Variants in CHD1L observed in about 807,000 individuals in gnomAD.
CHD1L encodes the protein chromodomain helicase DNA binding protein 1 like.
A neutral mutation model predicts 115.9 loss-of-function variants in CHD1L; 118 were observed. The ratio of observed to expected loss-of-function variants is 1.02; its 90% CI spans 0.88 to 1.19. CHD1L has a LOEUF of 1.19. Ranked by LOEUF, CHD1L falls within the 50% of genes most tolerant of loss-of-function variation. The pLI is 0.00. For missense variants in CHD1L, 1,179 were observed against 1,065.3 expected, an observed-to-expected ratio of 1.11 and a Z score of -1.49; for synonymous variants, 411 against 387.1, an observed-to-expected ratio of 1.06 and a Z score of -0.72.
chr1:147,287,906 C>T (rs782686452), intron 19 of CHD1L, among the ~76,000 whole-genome samples, 173 bp downstream of exon 19: 11 of 152,158 alleles, frequency 7.2e-5, no homozygotes, highest in Non-Finnish European at 1.3e-4. Context: ...ATTCCTTTAC[C>T]TTTTCTGTAC....
the CHD1L span, chr1:147,174,670 G>A: frequency 6.6e-6 from 1 of 152,026 alleles, no homozygotes; most frequent in Non-Finnish European, 1.5e-5. Flanking sequence ...TGACACTGTA[G>A]GAAGAATGAA....
At chr1:147,197,450 T>C in the CHD1L span, among the ~76,000 whole-genome samples, 2,976 of 152,216 alleles carry the variant, frequency 0.02, 102 homozygotes, top group African/African-American at 0.067. Flanking sequence ...CCAAATCTTA[T>C]CTTGAATTTT....
chr1:147,283,655 CTTCA>C (rs1410372283), intron 15 of CHD1L, among the ~76,000 whole-genome samples: 2 of 152,192 alleles, frequency 1.3e-5, no homozygotes, highest in Non-Finnish European at 2.9e-5. Flanking sequence ...ACACTATTGT[CTTCA>C]TTGTTATTAT....
At chr1:147,204,142 T>C in the CHD1L span, 4 of 1,075,134 alleles carry the variant, frequency 3.7e-6, no homozygotes, top group South Asian at 5.0e-5. Flanking sequence ...AATTCATCAA[T>C]TCTTCATCAG....
the CHD1L span, chr1:147,224,807 G>A: frequency 5.1e-5 from 70 of 1,368,586 alleles, 1 homozygote; most frequent in Admixed American, 1.1e-3. Context: ...AACCGCGCCC[G>A]GCCACCTGAC....
the CHD1L span, among the ~76,000 whole-genome samples, chr1:147,211,982 C>T: frequency 1.4e-3 from 207 of 152,300 alleles, 1 homozygote; most frequent in African/African-American, 4.8e-3. Context: ...CCAATGATCA[C>T]GCGTGCTTTC....
the CHD1L span, among the ~76,000 whole-genome samples, chr1:147,223,259 C>CATGTCCA: frequency 6.6e-6 from 1 of 152,096 alleles, no homozygotes; most frequent in African/African-American, 2.4e-5. Context: ...GCTTTTAGCC[C>CATGTCCA]ATGTCCAAGA....
At position 147,295,719 on chromosome 1, in the gene CHD1L, A is replaced by T. The variant is rs1559928750; in HGVS notation, c.*210A>T. ...CAACTTTTTTTGGGAAAGCCCTTTGACCCCAGCTTGCTAGTTGCATAATAA... is the reference window on the plus strand; with the variant it reads ...CAACTTTTTTTGGGAAAGCCCTTTGTCCCCAGCTTGCTAGTTGCATAATAA... On this transcript the variant is annotated 3_prime_UTR_variant, in exon 23 of 23. Coordinates refer to ENST00000369258, the MANE Select transcript of CHD1L (RefSeq NM_004284.6). 4 of 524,130 alleles carry T rather than the reference A, an allele frequency of 7.6e-6. No individual in the cohort carries two copies. The East Asian group carries it at 1.3e-4, about 17-fold the overall frequency. The allele number at this position is 524,130 out of a possible 1,614,324, so 32.5% of individuals were successfully genotyped here.
At position 147,275,239 on chromosome 1, in the gene CHD1L, G is replaced by A. The variant is rs1258645596; in HGVS notation, c.1271-115G>A. On this transcript the variant is annotated intron_variant, in intron 12 of 22. Transcript: ENST00000369258. ...GGTGTGGGTCCATTTGAAGGATGAA[G>A]CCAATTGTTTTGACTGATTTCAGTT... 6.5e-6 allele frequency: 5 copies of A among 763,918 alleles called. 1 individual carries two copies. Among genetic ancestry groups the A allele is most frequent in the East Asian group, 5.0e-5 (2 of 40,356 alleles). The allele number at this position is 763,918 out of a possible 1,614,324, so 47.3% of individuals were successfully genotyped here.
At chr1:147,200,986 T>C in the CHD1L span, among the ~76,000 whole-genome samples, 14 of 152,244 alleles carry the variant, frequency 9.2e-5, no homozygotes, top group African/African-American at 3.1e-4. Context: ...TCCATGGTTA[T>C]AAATTGCTAC....
intron 18 of CHD1L, 125 bp from the exon 19 acceptor site, chr1:147,287,510 G>T (rs1219904657): frequency 3.1e-6 from 2 of 637,866 alleles, no homozygotes; most frequent in South Asian, 2.1e-5. Context: ...TAGGAGATAA[G>T]ATATTTTGTT....
the CHD1L span, among the ~76,000 whole-genome samples, chr1:147,222,966 T>C: frequency 3.3e-5 from 5 of 152,326 alleles, no homozygotes; most frequent in Admixed American, 3.3e-4. Flanking sequence ...TACTGAATAA[T>C]AACCAACATG....
upstream of CHD1L, among the ~76,000 whole-genome samples, chr1:147,240,452 A>G (rs587762033): frequency 7.2e-5 from 11 of 152,336 alleles, no homozygotes; most frequent in Non-Finnish European, 1.3e-4. Context: ...TCCCCATGTG[A>G]TAGCCTGAAA....
the CHD1L span, chr1:147,204,397 A>G: frequency 3.9e-5 from 43 of 1,113,708 alleles, no homozygotes; most frequent in Middle Eastern, 2.0e-4. Flanking sequence ...AAGCTTGGCC[A>G]GAAATACTTC....
intron 7 of CHD1L, 129 bp from the exon 8 acceptor site, chr1:147,265,803 T>C (rs2102566801): frequency 2.9e-6 from 2 of 696,960 alleles, no homozygotes; most frequent in Non-Finnish European, 2.2e-6. Flanking sequence ...AAAAAAATGA[T>C]CATACTGGCC....
intron 3 of CHD1L, among the ~76,000 whole-genome samples, chr1:147,255,519 G>A (rs782259497): frequency 3.9e-5 from 6 of 152,082 alleles, no homozygotes; most frequent in African/African-American, 9.7e-5. Context: ...GAGCCACCGC[G>A]CCCGGCCTAT....
chr1:147,240,542 A>G (rs1664753071), upstream of CHD1L, among the ~76,000 whole-genome samples: 1 of 152,100 alleles, frequency 6.6e-6, no homozygotes, highest in Admixed American at 6.5e-5. Flanking sequence ...GAGGATTAGT[A>G]AAAGAGAAAG....
At chr1:147,213,270 C>A in the CHD1L span, 1 of 1,541,780 alleles carries the variant, frequency 6.5e-7, no homozygotes, top group Non-Finnish European at 8.8e-7. Flanking sequence ...AGGTCACAGG[C>A]ATGGGTCAAG....
At chr1:147,195,672 A>G in the CHD1L span, among the ~76,000 whole-genome samples, 1 of 152,186 alleles carries the variant, frequency 6.6e-6, no homozygotes, top group South Asian at 2.1e-4. Flanking sequence ...GCTAAGCTTA[A>G]ACAATTAGTT....
Sources: allele counts gnomAD v4.1 joint callset (sites outside exome capture counted in the v4.1 genomes callset), GRCh38; gene constraint gnomAD v4.1.1; transcripts MANE v1.5; gene names NCBI Gene and HGNC (gene_info 2026-07-23, HGNC 2026-07-21).